The following SEMA5B variants were observed in gnomAD, a reference collection of about 807,000 sequenced individuals.
The protein encoded by SEMA5B is semaphorin-5B.
In SEMA5B, 66 loss-of-function variants were observed where a neutral mutation model predicts 135.0. The ratio of observed to expected loss-of-function variants is 0.49; its 90% CI spans 0.40 to 0.60. SEMA5B has a LOEUF of 0.60. SEMA5B is among the 20% of genes least tolerant of loss of function. The probability of loss-of-function intolerance (pLI) is 0.00; values close to 1 mark genes in which losing one functional copy is unlikely to be tolerated. For missense variants in SEMA5B, 1,501 were observed against 1,566.3 expected (o/e 0.96, Z 0.70); for synonymous variants, 690 against 639.5 (o/e 1.08, Z -1.19).
At chr3:122,972,442 G>A (rs560477751) in intron 1 of SEMA5B, among the ~76,000 whole-genome samples, 1 of 152,286 alleles carries the variant, frequency 6.6e-6, no homozygotes, top group East Asian at 1.9e-4. Context: ...CCAGTTATGT[G>A]TGTGCAAAAC....
chr3:123,007,643 A>T (rs1376078728), intron 1 of SEMA5B, among the ~76,000 whole-genome samples: 1 of 152,150 alleles, frequency 6.6e-6, no homozygotes, highest in Admixed American at 6.5e-5. Context: ...GACTTAAGTG[A>T]GCACATTTGC....
chr3:122,921,177 C>T (rs767749000), intron 12 of SEMA5B, among the ~76,000 whole-genome samples: 4 of 152,202 alleles, frequency 2.6e-5, no homozygotes, highest in Non-Finnish European at 5.9e-5. Context: ...CACAGAAGCT[C>T]GCATGGCTGT....
At chr3:123,010,808 CAAA>C (rs138507516) in intron 1 of SEMA5B, among the ~76,000 whole-genome samples, 6,785 of 63,226 alleles carry the variant, frequency 0.11, 300 homozygotes, top group African/African-American at 0.21. Flanking sequence ...GTCTCCATCT[CAAA>C]AAAAAAAAAA....
At chr3:122,950,244 G>A (rs1030918052) in intron 2 of SEMA5B, among the ~76,000 whole-genome samples, 1 of 152,224 alleles carries the variant, frequency 6.6e-6, no homozygotes, top group Non-Finnish European at 1.5e-5. Context: ...TCATCTATGG[G>A]TTTAGCAAAA....
At chr3:122,923,886 G>A in intron 9 of SEMA5B, 134 bp from the exon 10 acceptor site, 1 of 954,228 alleles carries the variant, frequency 1.0e-6, no homozygotes, top group Non-Finnish European at 1.6e-6. Context: ...CACATGGGGG[G>A]ATCTCAAAGG....
chr3:122,988,330 C>T (rs1043778368), intron 1 of SEMA5B, among the ~76,000 whole-genome samples: 1 of 152,200 alleles, frequency 6.6e-6, no homozygotes, highest in African/African-American at 2.4e-5. Flanking sequence ...TAGCATGAAA[C>T]CCCAGTGTGG....
At chr3:123,020,110 T>C (rs1337914006) in intron 1 of SEMA5B, among the ~76,000 whole-genome samples, 1 of 152,250 alleles carries the variant, frequency 6.6e-6, no homozygotes, top group African/African-American at 2.4e-5. Context: ...TAATCATTGA[T>C]AGGCACAAAG....
chr3:122,951,544 C>T (rs757745991), intron 2 of SEMA5B, among the ~76,000 whole-genome samples: 33 of 152,218 alleles, frequency 2.2e-4, no homozygotes, highest in Non-Finnish European at 3.8e-4. Context: ...CTCTCTCCTT[C>T]GCTAGTCTGT....
chr3:122,973,306 G>T (rs1173037317), intron 1 of SEMA5B, among the ~76,000 whole-genome samples: 1 of 152,224 alleles, frequency 6.6e-6, no homozygotes, highest in Non-Finnish European at 1.5e-5. Flanking sequence ...GTGCCCTGAG[G>T]AGAGGCAGCC....
chr3:122,977,004 C>T (rs1460975299), intron 1 of SEMA5B, among the ~76,000 whole-genome samples: 18 of 152,132 alleles, frequency 1.2e-4, no homozygotes, highest in Admixed American at 1.0e-3. Context: ...GAGCCAAGAT[C>T]GGGCCACTGT....
intron 1 of SEMA5B, among the ~76,000 whole-genome samples, chr3:122,994,300 C>T (rs1157054978): frequency 6.6e-6 from 1 of 152,210 alleles, no homozygotes; most frequent in Non-Finnish European, 1.5e-5. Context: ...TAAGATTAGC[C>T]ACCTGTAGGT....
At chr3:122,991,868 A>G (rs1941890021) in intron 1 of SEMA5B, among the ~76,000 whole-genome samples, 1 of 152,202 alleles carries the variant, frequency 6.6e-6, no homozygotes. Context: ...AGCAAAGACC[A>G]TACTATCACA....
At chr3:122,949,275 C>T (rs1157627267) in intron 2 of SEMA5B, among the ~76,000 whole-genome samples, 1 of 152,168 alleles carries the variant, frequency 6.6e-6, no homozygotes, top group Non-Finnish European at 1.5e-5. Flanking sequence ...CCCTCCTCTC[C>T]CCAAAAACAA....
chr3:122,926,288 A>C (rs1449142257), intron 9 of SEMA5B, 104 bp downstream of exon 9: 1 of 1,115,610 alleles, frequency 9.0e-7, no homozygotes, highest in African/African-American at 1.6e-5. Context: ...GACCCCCGGC[A>C]GGAGGCACGG....
chr3:122,994,919 C>T lies in SEMA5B; in HGVS notation c.-39+32545G>A, dbSNP rs367581282. Among the ~76,000 whole-genome samples the T allele has an allele frequency of 1.4e-4, 21 of 152,176 alleles. 1 individual carries two copies. Among genetic ancestry groups the T allele is most frequent in the East Asian group, 5.8e-4 (3 of 5,180 alleles). On this transcript the variant is annotated intron_variant, in intron 1 of 22. Transcript: ENST00000357599. ...TCTTCTTCTACTGAATCCTGGGAAA[C>T]GGAGGTAGTGGCTCTTGCAGTGGGA...
chr3:123,007,251 G>A (rs925610844), intron 1 of SEMA5B, among the ~76,000 whole-genome samples: 5 of 152,012 alleles, frequency 3.3e-5, no homozygotes, highest in Non-Finnish European at 7.4e-5. Context: ...GGTGGACAAG[G>A]GCTCACTAGA....
rs184187977 is a variant in SEMA5B, at chr3:122,963,090, C to T, written c.-38-1789G>A. ...AGCTGCATCCCTCCTACATACTCAACGAGATGAGCAGACAGCACCAGGGGC... is the reference window on the plus strand; with the variant it reads ...AGCTGCATCCCTCCTACATACTCAATGAGATGAGCAGACAGCACCAGGGGC... On this transcript the variant is annotated intron_variant, in intron 1 of 22. Transcript: ENST00000357599. Among the ~76,000 whole-genome samples, 3 of 152,280 alleles carry T rather than the reference C, an allele frequency of 2.0e-5. No individual in the cohort carries two copies. The South Asian group carries it at 6.2e-4, about 32-fold the overall frequency.
At chr3:122,957,102 G>A (rs564552687) in intron 2 of SEMA5B, among the ~76,000 whole-genome samples, 1 of 152,346 alleles carries the variant, frequency 6.6e-6, no homozygotes, top group South Asian at 2.1e-4. Flanking sequence ...AAATCACAGT[G>A]AGACTTGAGC....
chr3:122,915,895 C>CA lies in SEMA5B; in HGVS notation c.1689-6dup. The CA allele has an allele frequency of 6.2e-7, 1 of 1,613,036 alleles. No homozygotes were observed. Among genetic ancestry groups the CA allele is most frequent in the Admixed American group, 1.7e-5 (1 of 60,012 alleles). ...TCCCGGGCCCCCAGGCATGCCCTGC[C>CA]AGACAGACGTCCTGAGATTCAAGCC... On this transcript the variant is annotated splice_region_variant and splice_polypyrimidine_tract_variant and intron_variant, in intron 12 of 22. Transcript: ENST00000357599.
Sources: allele counts gnomAD v4.1 joint callset (sites outside exome capture counted in the v4.1 genomes callset), GRCh38; gene constraint gnomAD v4.1.1; transcripts MANE v1.5; gene names NCBI Gene and HGNC (gene_info 2026-07-23, HGNC 2026-07-21).